BRME1: variants seen among roughly 807,000 people sequenced by gnomAD.
BRME1 encodes the protein BRCA2 and MEILB2-associating protein 1.
Under a neutral mutation model 52.6 loss-of-function variants are expected in BRME1, and 31 were observed. That is an observed-to-expected ratio of 0.59 (90% CI 0.44 to 0.80). The LOEUF (loss-of-function observed/expected upper bound fraction) is 0.80. Ranked by LOEUF, BRME1 falls within the 30% of genes least tolerant of loss-of-function variation. The pLI, the probability that BRME1 is intolerant of heterozygous loss-of-function variation, is 0.00. For synonymous variants in BRME1, 359 were observed against 353.6 expected (o/e 1.02, Z -0.17); for missense variants, 804 against 860.3 (o/e 0.93, Z 0.82).
At chr19:13,902,362 G>A (rs566323122) in intron 2 of BRME1, among the ~76,000 whole-genome samples, 6 of 152,214 alleles carry the variant, frequency 3.9e-5, no homozygotes, top group South Asian at 4.1e-4. Flanking sequence ...AGCTGGGCGC[G>A]CTGGCTCATG....
chr19:13,894,116 G>C (rs1263025665), intron 3 of BRME1, among the ~76,000 whole-genome samples: 1 of 152,146 alleles, frequency 6.6e-6, no homozygotes. Context: ...TGGGAATAGG[G>C]ATATTCTCAT....
chr19:13,900,229 G>A (rs373539978), intron 2 of BRME1, among the ~76,000 whole-genome samples: 1 of 152,104 alleles, frequency 6.6e-6, no homozygotes, highest in Non-Finnish European at 1.5e-5. Flanking sequence ...CCTTGTGTTC[G>A]ACACCAAAGA....
intron 2 of BRME1, among the ~76,000 whole-genome samples, chr19:13,901,196 T>C (rs939814182): frequency 6.6e-6 from 1 of 151,540 alleles, no homozygotes; most frequent in Non-Finnish European, 1.5e-5. Flanking sequence ...AGGCTGGTCA[T>C]GAACTCCTGG....
intron 2 of BRME1, among the ~76,000 whole-genome samples, chr19:13,897,040 CTTT>C (rs35686337): frequency 7.5e-6 from 1 of 133,336 alleles, no homozygotes; most frequent in Admixed American, 7.7e-5. Context: ...TACATCGAAA[CTTT>C]TTTTTTTTTT....
chr19:13,894,450 G>A (rs1022743951), intron 3 of BRME1, among the ~76,000 whole-genome samples: 3 of 152,204 alleles, frequency 2.0e-5, no homozygotes, highest in South Asian at 2.1e-4. Context: ...GCTTGAACCC[G>A]GGAGGTGGAG....
intron 2 of BRME1, among the ~76,000 whole-genome samples, chr19:13,902,791 G>C (rs1396207711): frequency 4.0e-5 from 6 of 151,876 alleles, no homozygotes; most frequent in Non-Finnish European, 1.5e-5. Flanking sequence ...TCAGCATGGT[G>C]GTGGGTGCCT....
At chr19:13,902,774 A>C (rs1009950182) in intron 2 of BRME1, among the ~76,000 whole-genome samples, 1 of 150,806 alleles carries the variant, frequency 6.6e-6, no homozygotes, top group African/African-American at 2.4e-5. Flanking sequence ...AAAATACAAA[A>C]ATTAGCTCAG....
Position 13,890,088 on chromosome 19 carries a change from C to CCCTCCCTCCTGGGGGGCT in BRME1, c.750_767dup (p.Pro252_Ala257dup). ...GGCCAGCCCCTGCTGTCCTTTGGGC[C>CCCTCCCTCCTGGGGGGCT]CCTCCCTCCTGGGGGGCTCCTCTGT... On this transcript the variant is annotated inframe_insertion, in exon 6 of 9. Transcript: ENST00000586783. 1 of 1,613,820 alleles carries CCCTCCCTCCTGGGGGGCT rather than the reference C, an allele frequency of 6.2e-7. No homozygotes were observed.
rs148637767 is a variant in BRME1 at position 13,882,908 on chromosome 19, C to T, written c.1901G>A (p.Arg634His). The change falls in exon 9 of 9, where the codon CGC becomes CAC. Residue 634 changes from arginine to histidine, a missense_variant. Around this residue, in one of 3 missense-constraint regions of BRME1, gnomAD observed 552 missense variants for 561.1 expected, o/e 0.98. Transcript: ENST00000586783. ...GTHRDLEAFK[R>H]LNYRKTKLGG... ...CAGCTTTGTCTTCCGGTAGTTAAGG[C>T]GCTTGAAAGCTTCCAGGTCCCGGTG... 122 of 1,613,776 alleles carry T rather than the reference C, an allele frequency of 7.6e-5. No individual in the cohort carries two copies. The African/African-American group carries it at 1.1e-3, about 15-fold the overall frequency.
At position 13,903,673 on chromosome 19, in the gene BRME1, C is replaced by CAA. The variant is rs35662610; in HGVS notation, c.31+1187_31+1188dup. On this transcript the variant is annotated intron_variant, in intron 2 of 8. Transcript: ENST00000586783. ...GGACGACAGAGTCAGACTTGGTCTC[C>CAA]AAAAAAAAAAAAAATAAAGTCTCCA... 1.3e-3 allele frequency among the ~76,000 whole-genome samples: 169 copies of CAA among 128,166 alleles called. 2 individuals are homozygous for CAA. The highest frequency in any genetic ancestry group is 3.5e-3 in the East Asian group (16 of 4,548). The allele number at this position is 128,166 out of a possible 152,430, so 84.1% of individuals were successfully genotyped here.
rs1170225378 is a variant in BRME1, at chr19:13,882,477, TG to T, written c.*324del. On this transcript the variant is annotated 3_prime_UTR_variant, in exon 9 of 9. Coordinates refer to ENST00000586783, the MANE Select transcript of BRME1 (RefSeq NM_001345843.2). The stretch of plus-strand genomic sequence containing the variant: ...AAACAAATTCTGAACCATCCATACT[TG>T]GCTCAGGACCCTAAAATTTGCAAAT... 3 of 447,394 alleles carry T rather than the reference TG, an allele frequency of 6.7e-6. No homozygotes were observed. The highest frequency in any genetic ancestry group is 1.2e-5 in the Non-Finnish European group (3 of 255,290). 27.7% of individuals were successfully genotyped at this position (447,394 alleles called of 1,614,324 possible). A position where few individuals can be genotyped will look rare whatever the true frequency, so the allele number is the denominator to read the frequency against.
intron 5 of BRME1, among the ~76,000 whole-genome samples, chr19:13,892,336 A>G (rs777465557): frequency 6.6e-6 from 1 of 152,178 alleles, no homozygotes; most frequent in Non-Finnish European, 1.5e-5. Context: ...CTGTAATCCC[A>G]GCACTTTGGG....
chr19:13,893,589 C>T (rs188460041), intron 3 of BRME1, among the ~76,000 whole-genome samples: 20 of 152,156 alleles, frequency 1.3e-4, no homozygotes, highest in Admixed American at 9.8e-4. Context: ...ACTCACCTAT[C>T]GAGACAAACG....
intron 2 of BRME1, among the ~76,000 whole-genome samples, chr19:13,903,944 G>A (rs1219753359): frequency 6.6e-6 from 1 of 152,048 alleles, no homozygotes; most frequent in East Asian, 1.9e-4. Flanking sequence ...TTATTCCAGG[G>A]GTCATCTCTG....
chr19:13,891,135 T>TTTTTTTTATTATTATTATTATTA (rs59151567), intron 5 of BRME1, among the ~76,000 whole-genome samples: 1 of 146,634 alleles, frequency 6.8e-6, no homozygotes, highest in African/African-American at 2.6e-5. Flanking sequence ...CAATTTCCTG[T>TTTTTTTTATTATTATTATTATTA]TTATTATTAT....
At position 13,891,967 on chromosome 19, in the gene BRME1, G is replaced by C. The variant is rs1305487179; in HGVS notation, c.393+819C>G. Among the ~76,000 whole-genome samples the C allele has an allele frequency of 6.6e-5, 10 of 152,134 alleles. No individual in the cohort carries two copies. The Middle Eastern group carries it at 0.01, about 155-fold the overall frequency. On this transcript the variant is annotated intron_variant, in intron 5 of 8. Transcript: ENST00000586783. The stretch of plus-strand genomic sequence containing the variant: ...GTGCACCTGTAGTCCCAGCTACTGG[G>C]GAGGCTGAGGCAGGAAAATCACTTG...
rs1227989504 is a variant in BRME1 at position 13,883,754 on chromosome 19, G to A, written c.1764-354C>T. 3.4e-5 allele frequency among the ~76,000 whole-genome samples: 5 copies of A among 145,464 alleles called. No individual in the cohort carries two copies. The highest frequency in any genetic ancestry group is 6.0e-5 in the Non-Finnish European group (4 of 66,562). On this transcript the variant is annotated intron_variant, in intron 7 of 8. Transcript: ENST00000586783. The surrounding 1 kb of genome is among the most constrained non-coding windows in gnomAD (Gnocchi z 4.2). ...CAGCTGTGCACCACCTGCCTGCCCC[G>A]TGCCCTCCCCTCATCCCCCGCTTCT... is the stretch of plus-strand genomic sequence containing the variant.
chr19:13,895,580 G>T, intron 2 of BRME1, 34 bp from the exon 3 acceptor site: 1 of 1,584,188 alleles, frequency 6.3e-7, no homozygotes, highest in Non-Finnish European at 8.6e-7. Context: ...GAAGGGGTGG[G>T]GGATACAGCC....
chr19:13,889,126 G>A, intron 6 of BRME1, 62 bp downstream of exon 6: 1 of 1,441,158 alleles, frequency 6.9e-7, no homozygotes, highest in Non-Finnish European at 9.3e-7. Flanking sequence ...GTGAGGAGGG[G>A]GCTTGTGGAG....
Sources: allele counts gnomAD v4.1 joint callset (sites outside exome capture counted in the v4.1 genomes callset), GRCh38; gene constraint gnomAD v4.1.1; regional missense constraint gnomAD v4.1.1; non-coding constraint Gnocchi (gnomAD v3.1); transcripts MANE v1.5; gene names NCBI Gene and HGNC (gene_info 2026-07-23, HGNC 2026-07-21).